Variants in SLC5A9 observed in about 807,000 individuals in gnomAD.
The protein encoded by SLC5A9 is sodium/glucose cotransporter 4.
In SLC5A9, 59 loss-of-function variants were observed where a neutral mutation model predicts 70.9. That is an observed-to-expected ratio of 0.83 (90% CI 0.68 to 1.03). The LOEUF (loss-of-function observed/expected upper bound fraction) is 1.03, where lower values mean the gene tolerates loss of function less well. SLC5A9 is among the 50% of genes least tolerant of loss of function. The pLI, the probability that SLC5A9 is intolerant of heterozygous loss-of-function variation, is 0.00. For synonymous variants in SLC5A9, 340 were observed against 346.5 expected (o/e 0.98, Z 0.21); for missense variants, 832 against 881.1 (o/e 0.94, Z 0.71).
Position 48,247,320 on chromosome 1 carries a change from G to C in SLC5A9, c.1838-15G>C. 6.2e-7 allele frequency: 1 copy of C among 1,611,914 alleles called. No homozygotes were observed. The highest frequency in any genetic ancestry group is 8.5e-7 in the Non-Finnish European group (1 of 1,178,812). ...CCCTCCTGCTCTCCTTTGTCTTCTG[G>C]CTTTGTCCCTCCAGCCCCAAGCAGG... On this transcript the variant is annotated splice_polypyrimidine_tract_variant and intron_variant, in intron 13 of 13. Coordinates refer to ENST00000438567, the MANE Select transcript of SLC5A9 (RefSeq NM_001011547.3).
In SLC5A9 at chr1:48,247,474, A is replaced by G. The variant is rs1196093230; in HGVS notation, c.1977A>G (p.Arg659=). 3 of 1,614,164 alleles carry G rather than the reference A, an allele frequency of 1.9e-6. No homozygotes were observed. The South Asian group carries it at 3.3e-5, about 18-fold the overall frequency. The part of the protein sequence containing the change: ...LTSIEEEPLW[R]HVCNINAVLL... ...GCATTGAGGAGGAGCCACTCTGGAG[A>G]CATGTCTGCAACATCAATGCTGTCC... is the stretch of plus-strand genomic sequence containing the variant. The change falls in exon 14 of 14, where the codon AGA becomes AGG. Residue 659 remains arginine (R), a synonymous_variant. Coordinates refer to ENST00000438567, the MANE Select transcript of SLC5A9 (RefSeq NM_001011547.3).
In SLC5A9 at chr1:48,233,730, A is replaced by C. The variant is rs925883686; in HGVS notation, c.1109A>C (p.Tyr370Ser). The change falls in exon 9 of 14, where the codon TAC becomes TCC. Residue 370 changes from tyrosine to serine, a missense_variant. Physicochemically the swap from Tyr to Ser is moderately radical, Grantham distance 144. Coordinates refer to ENST00000438567, the MANE Select transcript of SLC5A9 (RefSeq NM_001011547.3). ...CGAGTGGGATGTTCCAACATTGCCT[A>C]CCCTAAGTTGGTCATGGCCCTCATG... ...GARVGCSNIA[Y>S]PKLVMALMPV... is the part of the protein sequence containing the mutation. 3.7e-6 allele frequency: 6 copies of C among 1,613,946 alleles called. No individual in the cohort carries two copies. The highest frequency in any genetic ancestry group is 3.4e-6 in the Non-Finnish European group (4 of 1,179,968).
At chr1:48,245,306 A>C (rs1167460642) in intron 13 of SLC5A9, among the ~76,000 whole-genome samples, 2 of 152,096 alleles carry the variant, frequency 1.3e-5, no homozygotes, top group Non-Finnish European at 2.9e-5. Context: ...TGAAACCCAG[A>C]ACTAGACAGA....
In SLC5A9 at chr1:48,242,535, A is replaced by C. The variant is rs764479667; in HGVS notation, c.1756A>C (p.Ile586Leu). ...EKEAHESTPEISERPAGECPA... is the reference protein window; with the variant it reads ...EKEAHESTPELSERPAGECPA... ...GGAGGCCCACGAGAGCACACCGGAGATATCCGAGAGGCCAGCCGGGGAGTG... is the reference window on the plus strand; with the variant it reads ...GGAGGCCCACGAGAGCACACCGGAGCTATCCGAGAGGCCAGCCGGGGAGTG... The change falls in exon 13 of 14, where the codon ATA (isoleucine) becomes CTA (leucine). Residue 586 changes from isoleucine to leucine, a missense_variant. Physicochemically the swap from Ile to Leu is conservative, Grantham distance 5 (BLOSUM62 2). Coordinates refer to ENST00000438567, the MANE Select transcript of SLC5A9 (RefSeq NM_001011547.3). 6.2e-7 allele frequency: 1 copy of C among 1,613,798 alleles called. No homozygotes were observed. The highest frequency in any genetic ancestry group is 2.2e-5 in the East Asian group (1 of 44,856).
Position 48,239,653 on chromosome 1 carries a change from GA to G in SLC5A9, c.1677+117del. The G allele has an allele frequency of 1.0e-6, 1 of 970,026 alleles. No homozygotes were observed. The highest frequency in any genetic ancestry group is 1.6e-6 in the Non-Finnish European group (1 of 630,844). 60.1% of individuals were successfully genotyped at this position (970,026 alleles called of 1,614,324 possible). A position where few individuals can be genotyped will look rare whatever the true frequency, so the allele number is the denominator to read the frequency against. The stretch of plus-strand genomic sequence containing the variant: ...TTATGGTCTCCCCTGTGGCCACACA[GA>G]TGTCCTTGGGAGGGAAAGTGCCTTG... On this transcript the variant is annotated intron_variant, in intron 12 of 13. Coordinates refer to ENST00000438567, the MANE Select transcript of SLC5A9 (RefSeq NM_001011547.3). This position sits in a 1 kb window ranked among gnomAD's most constrained non-coding sequence, Gnocchi z 4.2.
chr1:48,240,524 CT>C (rs1159215268), intron 12 of SLC5A9: 1 of 152,202 alleles, frequency 6.6e-6, no homozygotes, highest in African/African-American at 2.4e-5. Context: ...ATGGATGGTG[CT>C]TTAGAGTTTG....
At chr1:48,243,084 A>G (rs1644411081) in intron 13 of SLC5A9, among the ~76,000 whole-genome samples, 2 of 152,100 alleles carry the variant, frequency 1.3e-5, no homozygotes, top group Admixed American at 1.3e-4. Flanking sequence ...AGGGCAGAAA[A>G]TCAAAGAATG....
chr1:48,248,245 C>T lies in SLC5A9; in HGVS notation c.*702C>T, dbSNP rs889739703. The T allele has an allele frequency of 6.6e-6, 1 of 152,542 alleles. No individual in the cohort carries two copies. Among genetic ancestry groups the T allele is most frequent in the African/African-American group, 2.4e-5 (1 of 41,448 alleles). 9.4% of individuals were successfully genotyped at this position (152,542 alleles called of 1,614,324 possible). A position where few individuals can be genotyped will look rare whatever the true frequency, so the allele number is the denominator to read the frequency against. The stretch of plus-strand genomic sequence containing the variant: ...CAAATATGCACAAACTCTCTATGGC[C>T]TTGAGAAGCAGTTGGAGAGACATGA... On this transcript the variant is annotated 3_prime_UTR_variant, in exon 14 of 14. Coordinates refer to ENST00000438567, the MANE Select transcript of SLC5A9 (RefSeq NM_001011547.3).
chr1:48,222,833 C>T lies in SLC5A9; in HGVS notation c.97C>T (p.Leu33=). The T allele has an allele frequency of 6.2e-7, 1 of 1,614,166 alleles. No individual in the cohort carries two copies. The highest frequency in any genetic ancestry group is 1.1e-5 in the South Asian group (1 of 91,076). Residue 33 remains leucine (L), a synonymous_variant, in exon 1 of 14, where the codon CTG becomes TTG. Transcript: ENST00000438567. The part of the protein sequence containing the change: ...PHIALDSRVG[L]HAYDISVVVI... ...CATAGCACTGGACTCCAGAGTTGGT[C>T]TGCACGCCTACGACATCAGCGTGGT... is the stretch of plus-strand genomic sequence containing the variant.
intron 13 of SLC5A9, among the ~76,000 whole-genome samples, chr1:48,245,064 T>C (rs556601762): frequency 9.6e-5 from 14 of 146,068 alleles, no homozygotes; most frequent in African/African-American, 3.5e-4. Context: ...GTCTCTTCCT[T>C]TTCCTGAGAC....
At chr1:48,235,354 C>A (rs761568601) in intron 9 of SLC5A9, among the ~76,000 whole-genome samples, 3 of 152,302 alleles carry the variant, frequency 2.0e-5, no homozygotes, top group Non-Finnish European at 4.4e-5. Flanking sequence ...CAGCAGCAAC[C>A]CACTAACCAA....
Position 48,242,611 on chromosome 1 carries a change from C to T in SLC5A9, c.1832C>T (p.Pro611Leu). ...AACTCGAGCCTGGGCCAGGAGCAGC[C>T]TGAAGGTAGGCTGCGGCAGGCCGGG... ...AENSSLGQEQPEAPSRSWGKL... is the reference protein window; with the variant it reads ...AENSSLGQEQLEAPSRSWGKL... The change falls in exon 13 of 14, where the codon CCT (proline) becomes CTT (leucine). Residue 611 changes from proline to leucine, a missense_variant. Coordinates refer to ENST00000438567, the MANE Select transcript of SLC5A9 (RefSeq NM_001011547.3). 6.2e-7 allele frequency: 1 copy of T among 1,609,530 alleles called. No homozygotes were observed. The highest frequency in any genetic ancestry group is 8.5e-7 in the Non-Finnish European group (1 of 1,177,930).
At chr1:48,230,791 G>C in intron 5 of SLC5A9, 86 bp downstream of exon 5, 2 of 988,418 alleles carry the variant, frequency 2.0e-6, no homozygotes, top group East Asian at 2.6e-5. Flanking sequence ...ACCAGAGAGA[G>C]AGACAGAGTG....
At position 48,235,728 on chromosome 1, in the gene SLC5A9, G is replaced by T. The variant is rs1241496293; in HGVS notation, c.1142-1G>T. 1 of 1,614,168 alleles carries T rather than the reference G, an allele frequency of 6.2e-7. No individual in the cohort carries two copies. The highest frequency in any genetic ancestry group is 2.2e-5 in the East Asian group (1 of 44,872). ...TTCACATGAGCCTCGTCTCTCCCCA[G>T]GTCTGCGGGGGCTGATGATTGCCGT... On this transcript the variant is annotated splice_acceptor_variant, in intron 9 of 13. Transcript: ENST00000438567. LOFTEE classifies it high-confidence loss of function.
Position 48,231,630 on chromosome 1 carries a change from G to GTA in SLC5A9, c.691+5_691+6insTA. Reference sequence around the variant, plus strand: ...CCCTGGTCCTCATGTTTCTGGGTAAGGAAGAGACCTAAATATACCCCACTG... The same window carrying GTA: ...CCCTGGTCCTCATGTTTCTGGGTAAGTAGAAGAGACCTAAATATACCCCACTG... On this transcript the variant is annotated splice_donor_region_variant and intron_variant, in intron 6 of 13. Coordinates refer to ENST00000438567, the MANE Select transcript of SLC5A9 (RefSeq NM_001011547.3). 6.2e-7 allele frequency: 1 copy of GTA among 1,614,100 alleles called. No homozygotes were observed. The highest frequency in any genetic ancestry group is 1.1e-5 in the South Asian group (1 of 91,062).
At chr1:48,232,181 T>C (rs199785491) in intron 7 of SLC5A9, 30 bp downstream of exon 7, 2 of 1,590,896 alleles carry the variant, frequency 1.3e-6, no homozygotes, top group East Asian at 4.5e-5. Flanking sequence ...TAGCCCAGCC[T>C]GCCAGGAAGT....
chr1:48,230,270 C>T (rs1644228314), intron 4 of SLC5A9, among the ~76,000 whole-genome samples: 1 of 152,224 alleles, frequency 6.6e-6, no homozygotes, highest in South Asian at 2.1e-4. Flanking sequence ...CCTAAATGAG[C>T]TCTTCTTCTC....
chr1:48,229,223 C>T, intron 3 of SLC5A9, 72 bp from the exon 4 acceptor site: 1 of 1,614,104 alleles, frequency 6.2e-7, no homozygotes, highest in Non-Finnish European at 8.5e-7. Flanking sequence ...ACAGCACTGC[C>T]TCTGGGTGGG....
In SLC5A9 at chr1:48,231,599, G is replaced by A; in HGVS notation, c.665G>A (p.Gly222Glu). ...GCTCTGCAGACGGTGATCATGGTAG[G>A]GGGAGCCCTGGTCCTCATGTTTCTG... ...TDALQTVIMVGGALVLMFLGF... is the reference protein window; with the variant it reads ...TDALQTVIMVEGALVLMFLGF... Residue 222 changes from glycine to glutamate, a missense_variant, in exon 6 of 14, where the codon GGG (glycine) becomes GAG (glutamate). Gly to Glu is a moderately conservative substitution (Grantham distance 98). Transcript: ENST00000438567. The A allele has an allele frequency of 6.2e-7, 1 of 1,614,150 alleles. No individual in the cohort carries two copies. Among genetic ancestry groups the A allele is most frequent in the African/African-American group, 1.3e-5 (1 of 75,038 alleles).
Sources: gnomAD v4.1 joint callset for allele counts (sites outside exome capture counted in the v4.1 genomes callset) on GRCh38, gnomAD v4.1.1 for gene constraint, Gnocchi (gnomAD v3.1) non-coding constraint, MANE v1.5 for transcripts, NCBI Gene and HGNC (gene_info 2026-07-23, HGNC 2026-07-21) for gene names.